NBAS: variants seen among roughly 807,000 people sequenced by gnomAD.
NBAS encodes the protein NBAS subunit of NRZ tethering complex.
A neutral mutation model predicts 302.5 loss-of-function variants in NBAS; 219 were observed. The ratio of observed to expected loss-of-function variants is 0.72; its 90% CI spans 0.65 to 0.81. NBAS has a LOEUF of 0.81. Ranked by LOEUF, NBAS falls within the 30% of genes least tolerant of loss-of-function variation. The probability of loss-of-function intolerance (pLI) is 0.00; values close to 1 mark genes in which losing one functional copy is unlikely to be tolerated. For synonymous variants in NBAS, 1,118 were observed against 1,021.6 expected, an observed-to-expected ratio of 1.09 and a Z score of -1.80; for missense variants, 2,932 against 2,841.6, an observed-to-expected ratio of 1.03 and a Z score of -0.72.
At chr2:15,319,432 C>T (rs1007050709) in intron 38 of NBAS, among the ~76,000 whole-genome samples, 1 of 151,536 alleles carries the variant, frequency 6.6e-6, no homozygotes, top group Non-Finnish European at 1.5e-5. Context: ...ACACAAAAAA[C>T]CATTCAAAAA....
chr2:14,781,784 C>T, the NBAS span, among the ~76,000 whole-genome samples: 1 of 149,820 alleles, frequency 6.7e-6, no homozygotes, highest in Non-Finnish European at 1.5e-5. Flanking sequence ...TGTTTAATAT[C>T]CCCATCCTTT....
At chr2:15,249,277 A>G (rs1243178041) in intron 44 of NBAS, among the ~76,000 whole-genome samples, 1 of 152,240 alleles carries the variant, frequency 6.6e-6, no homozygotes, top group Non-Finnish European at 1.5e-5. Context: ...GTTCATGCTA[A>G]AAACTCTCAA....
chr2:14,790,854 T>G, the NBAS span, among the ~76,000 whole-genome samples: 1 of 151,632 alleles, frequency 6.6e-6, no homozygotes, highest in African/African-American at 2.4e-5. Context: ...TTTTGTTTTG[T>G]TTTTGTTTGG....
intron 48 of NBAS, among the ~76,000 whole-genome samples, chr2:15,206,552 C>T (rs1266171897): frequency 6.6e-6 from 1 of 152,206 alleles, no homozygotes; most frequent in Admixed American, 6.5e-5. Flanking sequence ...CAGAGATCTT[C>T]ATGGGAGCCC....
At chr2:14,858,505 TTA>T in the NBAS span, among the ~76,000 whole-genome samples, 4 of 152,078 alleles carry the variant, frequency 2.6e-5, no homozygotes, top group South Asian at 2.1e-4. Context: ...CCTGTCACTT[TTA>T]TGTCTCTTGA....
chr2:15,455,236 T>A (rs1396801268), intron 21 of NBAS, among the ~76,000 whole-genome samples: 1 of 152,190 alleles, frequency 6.6e-6, no homozygotes, highest in Non-Finnish European at 1.5e-5. Context: ...ACTAAATATG[T>A]TCCAGTGAGC....
the NBAS span, among the ~76,000 whole-genome samples, chr2:15,007,894 T>C: frequency 6.6e-6 from 1 of 152,256 alleles, no homozygotes; most frequent in Non-Finnish European, 1.5e-5. Context: ...CAAAGTTCAG[T>C]TCCTAGCTCT....
At chr2:15,310,669 T>C (rs968969680) in intron 38 of NBAS, among the ~76,000 whole-genome samples, 9 of 152,178 alleles carry the variant, frequency 5.9e-5, no homozygotes, top group African/African-American at 2.2e-4. Context: ...ATGCCCGTAA[T>C]CTCAACACTT....
chr2:15,545,040 G>A (rs756062511), intron 6 of NBAS, among the ~76,000 whole-genome samples: 19 of 151,724 alleles, frequency 1.3e-4, no homozygotes, highest in Non-Finnish European at 2.4e-4. Context: ...CAATACCCGC[G>A]CTATACCCAA....
chr2:15,035,024 A>G, the NBAS span, among the ~76,000 whole-genome samples: 25 of 152,096 alleles, frequency 1.6e-4, no homozygotes, highest in African/African-American at 4.8e-4. Context: ...GACTTCATTC[A>G]TTCTCTTTTT....
chr2:15,229,347 CAAAAAAAAAAAAAAA>C lies in NBAS; in HGVS notation c.6236+3060_6236+3074del, dbSNP rs61152926. 5.2e-5 allele frequency among the ~76,000 whole-genome samples: 4 copies of C among 76,924 alleles called. 1 individual carries two copies. The South Asian group carries it at 1.5e-3, about 28-fold the overall frequency. The allele number at this position is 76,924 out of a possible 152,430, so 50.5% of individuals were successfully genotyped here. A position where few individuals can be genotyped will look rare whatever the true frequency, so the allele number is the denominator to read the frequency against. On this transcript the variant is annotated intron_variant, in intron 47 of 51. Transcript: ENST00000281513. The stretch of plus-strand genomic sequence containing the variant: ...CACTGCAAGACTCTGTCTCAAAAAA[CAAAAAAAAAAAAAAA>C]AAAAAAAAAAAAGAACATTACATTG...
intron 50 of NBAS, among the ~76,000 whole-genome samples, chr2:15,185,717 A>C (rs763785130): frequency 3.3e-5 from 5 of 152,276 alleles, no homozygotes; most frequent in Admixed American, 1.3e-4. Context: ...TATTTTGTAG[A>C]ATAATTGTGT....
the NBAS span, among the ~76,000 whole-genome samples, chr2:15,096,945 T>C: frequency 1.3e-5 from 2 of 152,110 alleles, no homozygotes; most frequent in Non-Finnish European, 2.9e-5. Context: ...GAAGCAAGAA[T>C]GTGGATGTGA....
chr2:15,537,665 T>A (rs1663584014), intron 7 of NBAS, among the ~76,000 whole-genome samples: 1 of 152,104 alleles, frequency 6.6e-6, no homozygotes, highest in Non-Finnish European at 1.5e-5. Context: ...TCATTATCAT[T>A]ACACCACTGT....
At chr2:14,960,160 CT>C in the NBAS span, among the ~76,000 whole-genome samples, 1 of 152,284 alleles carries the variant, frequency 6.6e-6, no homozygotes, top group African/African-American at 2.4e-5. Context: ...GATTCAAATG[CT>C]TTTGTTAATT....
At chr2:15,427,841 T>C in intron 21 of NBAS, 47 bp from the exon 22 acceptor site, 2 of 1,416,974 alleles carry the variant, frequency 1.4e-6, no homozygotes, top group African/African-American at 2.8e-5. Flanking sequence ...ATTACCTCAA[T>C]GACTTAGCCA....
chr2:14,972,423 AAAT>A, the NBAS span, among the ~76,000 whole-genome samples: 11 of 151,610 alleles, frequency 7.3e-5, no homozygotes, highest in East Asian at 3.9e-4. Flanking sequence ...ACTTAAAGTA[AAAT>A]AATAATAATA....
the NBAS span, among the ~76,000 whole-genome samples, chr2:14,857,297 G>A: frequency 1.3e-5 from 2 of 152,028 alleles, no homozygotes; most frequent in South Asian, 4.1e-4. Flanking sequence ...TACCAATGAT[G>A]TTCTTCACTG....
At position 15,373,536 on chromosome 2, in the gene NBAS, G is replaced by A. The variant is rs114567933; in HGVS notation, c.3703+1072C>T. Among the ~76,000 whole-genome samples the A allele has an allele frequency of 6.1e-3, 922 of 152,182 alleles. 11 individuals are homozygous for A. The highest frequency in any genetic ancestry group is 0.02 in the African/African-American group (828 of 41,508). Reference sequence around the variant, plus strand: ...TGTAGAGACAGGGTATCACTATGTTGCCCAGGCTGGTCTCAAGCTTTTGGA... The same window carrying A: ...TGTAGAGACAGGGTATCACTATGTTACCCAGGCTGGTCTCAAGCTTTTGGA... On this transcript the variant is annotated intron_variant, in intron 31 of 51. Coordinates refer to ENST00000281513, the MANE Select transcript of NBAS (RefSeq NM_015909.4).
Sources: gnomAD v4.1 joint callset for allele counts (sites outside exome capture counted in the v4.1 genomes callset) on GRCh38, gnomAD v4.1.1 for gene constraint, MANE v1.5 for transcripts, NCBI Gene and HGNC (gene_info 2026-07-23, HGNC 2026-07-21) for gene names.